ALCAM: variants seen among roughly 807,000 people sequenced by gnomAD.
ALCAM encodes activated leukocyte cell adhesion molecule.
In ALCAM, 30 loss-of-function variants were observed where a neutral mutation model predicts 70.9. That is an observed-to-expected ratio of 0.42 (90% confidence interval 0.32 to 0.57). The LOEUF is 0.57. Among genes scored for constraint, ALCAM ranks in the 20% least tolerant of loss-of-function variants. The probability of loss-of-function intolerance (pLI) is 0.11; values close to 1 mark genes in which losing one functional copy is unlikely to be tolerated. For synonymous variants in ALCAM, 249 were observed against 242.5 expected, an observed-to-expected ratio of 1.03 and a Z score of -0.25; for missense variants, 591 against 695.1, an observed-to-expected ratio of 0.85 and a Z score of 1.68.
chr3:105,571,572 C>T (rs138907214), intron 14 of ALCAM, among the ~76,000 whole-genome samples: 186 of 152,188 alleles, frequency 1.2e-3, no homozygotes, highest in African/African-American at 4.3e-3. Flanking sequence ...GAAAAATAAC[C>T]TAGCTAAAAA....
At chr3:105,445,450 T>C (rs1253168073) in intron 1 of ALCAM, among the ~76,000 whole-genome samples, 1 of 152,150 alleles carries the variant, frequency 6.6e-6, no homozygotes, top group Non-Finnish European at 1.5e-5. Context: ...AAAATATCAA[T>C]GAAATTCTTC....
At position 105,377,597 on chromosome 3, in the gene ALCAM, C is replaced by T. The variant is rs183397530; in HGVS notation, c.73+10116C>T. Among the ~76,000 whole-genome samples the T allele has an allele frequency of 5.3e-5, 8 of 152,096 alleles. No homozygotes were observed. In the East Asian group the frequency reaches 1.5e-3, roughly 29 times the overall value. On this transcript the variant is annotated intron_variant, in intron 1 of 15. Coordinates refer to ENST00000306107, the MANE Select transcript of ALCAM (RefSeq NM_001627.4). Reference sequence around the variant, plus strand: ...GAATTATAGGAGTAGTAGGCATATACACTCACATACAAGGCAAAACCTATA... The same window carrying T: ...GAATTATAGGAGTAGTAGGCATATATACTCACATACAAGGCAAAACCTATA...
chr3:105,411,193 T>C (rs1936380988), intron 1 of ALCAM, among the ~76,000 whole-genome samples: 1 of 152,082 alleles, frequency 6.6e-6, no homozygotes, highest in South Asian at 2.1e-4. Flanking sequence ...TGCTGCAGTA[T>C]CTTTATAAAG....
intron 1 of ALCAM, among the ~76,000 whole-genome samples, chr3:105,419,551 G>T (rs1297775495): frequency 6.6e-6 from 1 of 151,758 alleles, no homozygotes; most frequent in Non-Finnish European, 1.5e-5. Flanking sequence ...GCAACTGCAC[G>T]ATGTTTCAAC....
At chr3:105,448,162 A>G (rs1359088528) in intron 1 of ALCAM, among the ~76,000 whole-genome samples, 1 of 152,190 alleles carries the variant, frequency 6.6e-6, no homozygotes, top group Non-Finnish European at 1.5e-5. Context: ...ATTATTTCAG[A>G]GAAGTCCTGA....
intron 1 of ALCAM, among the ~76,000 whole-genome samples, chr3:105,466,570 T>C (rs1937743066): frequency 6.6e-6 from 1 of 151,446 alleles, no homozygotes; most frequent in Admixed American, 6.6e-5. Context: ...TTCTTTTTCA[T>C]GTGCCAGGAT....
intron 1 of ALCAM, among the ~76,000 whole-genome samples, chr3:105,462,798 T>TATGTACTTA (rs2152598481): frequency 6.6e-6 from 1 of 151,578 alleles, no homozygotes; most frequent in East Asian, 1.9e-4. Context: ...GAATACGATA[T>TATGTACTTA]ATGTACTTAC....
chr3:105,484,808 T>C (rs1003589354), intron 1 of ALCAM, among the ~76,000 whole-genome samples: 1 of 152,098 alleles, frequency 6.6e-6, no homozygotes, highest in Non-Finnish European at 1.5e-5. Context: ...GTCATGGACA[T>C]GTGCCACCAG....
At chr3:105,557,533 A>T (rs934994341) in intron 14 of ALCAM, among the ~76,000 whole-genome samples, 2 of 152,072 alleles carry the variant, frequency 1.3e-5, no homozygotes, top group African/African-American at 4.8e-5. Flanking sequence ...TCATTTTTTT[A>T]AAAAAGATCA....
At chr3:105,563,667 C>CTTTTTTTTTTTTTTTTTTTTTTTTTTTTT (rs749625480) in intron 14 of ALCAM, among the ~76,000 whole-genome samples, 2 of 52,034 alleles carry the variant, frequency 3.8e-5, no homozygotes, top group Non-Finnish European at 6.1e-5. Flanking sequence ...CCAAGCATTT[C>CTTTTTTTTTTTTTTTTTTTTTTTTTTTTT]TTTTTTTTTT....
chr3:105,486,873 G>A (rs923576178), intron 1 of ALCAM, among the ~76,000 whole-genome samples: 1 of 152,028 alleles, frequency 6.6e-6, no homozygotes, highest in Non-Finnish European at 1.5e-5. Context: ...GATGAATTAT[G>A]TTTTGAAAAT....
intron 1 of ALCAM, among the ~76,000 whole-genome samples, chr3:105,437,746 C>T (rs927971230): frequency 6.6e-6 from 1 of 151,844 alleles, no homozygotes; most frequent in African/African-American, 2.4e-5. Context: ...AAATCTACCC[C>T]AAAATTTATT....
At chr3:105,530,125 A>T (rs3821492) in intron 3 of ALCAM, among the ~76,000 whole-genome samples, 1 of 151,854 alleles carries the variant, frequency 6.6e-6, no homozygotes, top group Admixed American at 6.6e-5. Context: ...TTGAGCTCTC[A>T]GAGAGGGTGT....
At chr3:105,492,371 A>G (rs115807550) in intron 1 of ALCAM, among the ~76,000 whole-genome samples, 1 of 152,222 alleles carries the variant, frequency 6.6e-6, no homozygotes, top group Non-Finnish European at 1.5e-5. Flanking sequence ...AATATCACCT[A>G]TGTAAATTTC....
intron 6 of ALCAM, among the ~76,000 whole-genome samples, chr3:105,537,042 A>G (rs78321114): frequency 0.034 from 5,223 of 152,218 alleles, 130 homozygotes; most frequent in Non-Finnish European, 0.053. Flanking sequence ...GACTTCAGAG[A>G]ACAGAAGAAG....
chr3:105,440,937 A>T (rs575150494), intron 1 of ALCAM: 1 of 152,322 alleles, frequency 6.6e-6, no homozygotes, highest in African/African-American at 2.4e-5. Context: ...GAAGGCATGG[A>T]AACAGGACAG....
chr3:105,513,838 G>A (rs1302714780), intron 1 of ALCAM, among the ~76,000 whole-genome samples: 2 of 151,942 alleles, frequency 1.3e-5, no homozygotes, highest in Non-Finnish European at 2.9e-5. Flanking sequence ...GAAATTTTAT[G>A]TGCGCTTATG....
chr3:105,476,274 G>A (rs192623271), intron 1 of ALCAM, among the ~76,000 whole-genome samples: 25 of 152,074 alleles, frequency 1.6e-4, no homozygotes, highest in African/African-American at 6.0e-4. Flanking sequence ...TTGAGCCTCC[G>A]GCATATGTTT....
At chr3:105,445,174 G>C (rs921561976) in intron 1 of ALCAM, among the ~76,000 whole-genome samples, 5 of 152,038 alleles carry the variant, frequency 3.3e-5, no homozygotes, top group African/African-American at 1.2e-4. Flanking sequence ...GTAAATGTTA[G>C]TTAATACATG....
Sources: gnomAD v4.1 joint callset for allele counts (sites outside exome capture counted in the v4.1 genomes callset) on GRCh38, gnomAD v4.1.1 for gene constraint, MANE v1.5 for transcripts, NCBI Gene and HGNC (gene_info 2026-07-23, HGNC 2026-07-21) for gene names.